MC1R: variants seen among roughly 807,000 people sequenced by gnomAD.
MC1R encodes the protein melanocortin 1 receptor, also known as melanocyte-stimulating hormone receptor.
For synonymous variants in MC1R, 263 were observed against 203.8 expected (o/e 1.29, Z -2.47); for missense variants, 542 against 430.0 (o/e 1.26, Z -2.30).
Position 89,920,780 on chromosome 16 carries a change from C to A in MC1R, c.*568C>A, listed in dbSNP as rs952480891. 2 of 693,084 alleles carry A rather than the reference C, an allele frequency of 2.9e-6. No individual in the cohort carries two copies. Among genetic ancestry groups the A allele is most frequent in the Non-Finnish European group, 5.4e-6 (2 of 373,472 alleles). 42.9% of individuals were successfully genotyped at this position (693,084 alleles called of 1,614,324 possible). A position where few individuals can be genotyped will look rare whatever the true frequency, so the allele number is the denominator to read the frequency against. On this transcript the variant is annotated 3_prime_UTR_variant, in exon 1 of 1. Coordinates refer to ENST00000555147, the MANE Select transcript of MC1R (RefSeq NM_002386.4). ...GGCCAAGGGACCAGGTTTGCAGGAGCCCCCCTAGTGGTATGGGGCTGAGCC... is the reference window on the plus strand; with the variant it reads ...GGCCAAGGGACCAGGTTTGCAGGAGACCCCCTAGTGGTATGGGGCTGAGCC...
In MC1R at chr16:89,918,975, A is replaced by G; in HGVS notation, c.-284A>G. ...ACCTGAGCAGCAGCCACCAGGGAAG[A>G]GGCAGGGAGGGAGCTGAGGACCAGG... On this transcript the variant is annotated 5_prime_UTR_variant, in exon 1 of 1. Transcript: ENST00000555147. The G allele has an allele frequency of 2.1e-6, 1 of 484,304 alleles. No homozygotes were observed. Among genetic ancestry groups the G allele is most frequent in the Non-Finnish European group, 3.7e-6 (1 of 269,096 alleles). 30.0% of individuals were successfully genotyped at this position (484,304 alleles called of 1,614,324 possible). A position where few individuals can be genotyped will look rare whatever the true frequency, so the allele number is the denominator to read the frequency against.
rs1432779554 is a variant in MC1R at position 89,919,202 on chromosome 16, A to G, written c.-57A>G. ...AACTAAGCAGGACACCTGGAGGGGA[A>G]GAACTGTGGGGACCTGGAGGCCTCC... On this transcript the variant is annotated 5_prime_UTR_variant, in exon 1 of 1. Coordinates refer to ENST00000555147, the MANE Select transcript of MC1R (RefSeq NM_002386.4). 3.3e-6 allele frequency: 4 copies of G among 1,214,916 alleles called. No homozygotes were observed. The highest frequency in any genetic ancestry group is 4.6e-6 in the Non-Finnish European group (4 of 875,016). The allele number at this position is 1,214,916 out of a possible 1,614,324, so 75.3% of individuals were successfully genotyped here.
chr16:89,919,886 A>AT lies in MC1R; in HGVS notation c.629dup (p.Met210IlefsTer29). On this transcript the variant is annotated frameshift_variant, in exon 1 of 1. Coordinates refer to ENST00000555147, the MANE Select transcript of MC1R (RefSeq NM_002386.4). LOFTEE classifies it low-confidence loss of function (END_TRUNC). ...GCTCATGGCCGTGCTGTACGTCCAC[A>AT]TGCTGGCCCGGGCCTGCCAGCACGC... The AT allele has an allele frequency of 6.2e-7, 1 of 1,606,686 alleles. No homozygotes were observed. The highest frequency in any genetic ancestry group is 8.5e-7 in the Non-Finnish European group (1 of 1,179,558).
rs1365294383 is a variant in MC1R at position 89,920,898 on chromosome 16, G to A, written c.*686G>A. The stretch of plus-strand genomic sequence containing the variant: ...GCCCAAGCAGACAGCCCTGGCAAAT[G>A]CCTGACTCAGTGACCAGTGCCTGTG... On this transcript the variant is annotated 3_prime_UTR_variant, in exon 1 of 1. Transcript: ENST00000555147. 4 of 589,252 alleles carry A rather than the reference G, an allele frequency of 6.8e-6. No homozygotes were observed. The highest frequency in any genetic ancestry group is 9.2e-6 in the Non-Finnish European group (3 of 325,166). The allele number at this position is 589,252 out of a possible 1,614,324, so 36.5% of individuals were successfully genotyped here.
Position 89,919,816 on chromosome 16 carries a change from G to A in MC1R, c.558G>A (p.Val186=), listed in dbSNP as rs763408394. 8 of 1,607,106 alleles carry A rather than the reference G, an allele frequency of 5.0e-6. No homozygotes were observed. In the Admixed American group the frequency reaches 1.2e-4, roughly 23 times the overall value. Residue 186 remains valine (V), a synonymous_variant, in exon 1 of 1, where the codon GTG becomes GTA. Transcript: ENST00000555147. ...STLFIAYYDH[V]AVLLCLVVFF... ...TCTTCATCGCCTACTACGACCACGT[G>A]GCCGTCCTGCTGTGCCTCGTGGTCT...
In MC1R at chr16:89,919,733, C is replaced by T. The variant is rs104894523; in HGVS notation, c.475C>T (p.Pro159Ser). ...ALRYHSIVTL[P>S]RARRAVAAIW... Reference sequence around the variant, plus strand: ...GCGCTACCACAGCATCGTGACCCTGCCGCGGGCGCGGCGAGCCGTTGCGGC... The same window carrying T: ...GCGCTACCACAGCATCGTGACCCTGTCGCGGGCGCGGCGAGCCGTTGCGGC... The change falls in exon 1 of 1, where the codon CCG becomes TCG. Residue 159 changes from proline (P) to serine (S), a missense_variant. Coordinates refer to ENST00000555147, the MANE Select transcript of MC1R (RefSeq NM_002386.4). 2 of 1,606,064 alleles carry T rather than the reference C, an allele frequency of 1.2e-6. No homozygotes were observed. Among genetic ancestry groups the T allele is most frequent in the African/African-American group, 1.3e-5 (1 of 74,948 alleles).
Position 89,919,749 on chromosome 16 carries a change from C to T in MC1R, c.491C>T (p.Ala164Val). The change falls in exon 1 of 1, where the codon GCC becomes GTC. Residue 164 changes from alanine (A) to valine (V), a missense_variant. Transcript: ENST00000555147. ...SIVTLPRARR[A>V]VAAIWVASVV... ...GTGACCCTGCCGCGGGCGCGGCGAG[C>T]CGTTGCGGCCATCTGGGTGGCCAGT... 1 of 1,608,044 alleles carries T rather than the reference C, an allele frequency of 6.2e-7. No homozygotes were observed.
At position 89,920,590 on chromosome 16, in the gene MC1R, C is replaced by A; in HGVS notation, c.*378C>A. 1 of 674,266 alleles carries A rather than the reference C, an allele frequency of 1.5e-6. No individual in the cohort carries two copies. 41.8% of individuals were successfully genotyped at this position (674,266 alleles called of 1,614,324 possible). On this transcript the variant is annotated 3_prime_UTR_variant, in exon 1 of 1. Coordinates refer to ENST00000555147, the MANE Select transcript of MC1R (RefSeq NM_002386.4). ...CACCCCACCCCATCTTTGCTGCCAGCTCTCAGGACCGTGCCCTCGTCAGCT... is the reference window on the plus strand; with the variant it reads ...CACCCCACCCCATCTTTGCTGCCAGATCTCAGGACCGTGCCCTCGTCAGCT...
Position 89,919,997 on chromosome 16 carries a change from C to G in MC1R, c.739C>G (p.Leu247Val). The G allele has an allele frequency of 6.2e-7, 1 of 1,613,522 alleles. No individual in the cohort carries two copies. The highest frequency in any genetic ancestry group is 8.5e-7 in the Non-Finnish European group (1 of 1,179,894). The change falls in exon 1 of 1, where the codon CTG (leucine) becomes GTG (valine). Residue 247 changes from leucine to valine, a missense_variant. By Grantham distance (32) the Leu-to-Val change is conservative. Coordinates refer to ENST00000555147, the MANE Select transcript of MC1R (RefSeq NM_002386.4). ...LKGAVTLTIL[L>V]GIFFLCWGPF... The stretch of plus-strand genomic sequence containing the variant: ...AGGCGCTGTCACCCTCACCATCCTG[C>G]TGGGCATTTTCTTCCTCTGCTGGGG...
chr16:89,920,781 C>T lies in MC1R; in HGVS notation c.*569C>T, dbSNP rs983369245. On this transcript the variant is annotated 3_prime_UTR_variant, in exon 1 of 1. Transcript: ENST00000555147. The stretch of plus-strand genomic sequence containing the variant: ...GCCAAGGGACCAGGTTTGCAGGAGC[C>T]CCCCTAGTGGTATGGGGCTGAGCCC... 1.4e-6 allele frequency: 1 copy of T among 692,462 alleles called. No individual in the cohort carries two copies. The highest frequency in any genetic ancestry group is 1.8e-5 in the African/African-American group (1 of 56,734). The allele number at this position is 692,462 out of a possible 1,614,324, so 42.9% of individuals were successfully genotyped here.
At position 89,919,562 on chromosome 16, in the gene MC1R, G is replaced by A; in HGVS notation, c.304G>A (p.Glu102Lys). Residue 102 changes from glutamate (E) to lysine (K), a missense_variant, in exon 1 of 1, where the codon GAG becomes AAG. Coordinates refer to ENST00000555147, the MANE Select transcript of MC1R (RefSeq NM_002386.4). Reference sequence around the variant, plus strand: ...GGAGACGGCCGTCATCCTCCTGCTGGAGGCCGGTGCACTGGTGGCCCGGGC... The same window carrying A: ...GGAGACGGCCGTCATCCTCCTGCTGAAGGCCGGTGCACTGGTGGCCCGGGC... ...VLETAVILLLEAGALVARAAV... is the reference protein window; with the variant it reads ...VLETAVILLLKAGALVARAAV... 2.5e-6 allele frequency: 4 copies of A among 1,612,072 alleles called. No individual in the cohort carries two copies. The highest frequency in any genetic ancestry group is 3.4e-6 in the Non-Finnish European group (4 of 1,179,802).
Position 89,919,313 on chromosome 16 carries a change from A to G in MC1R, c.55A>G (p.Thr19Ala), listed in dbSNP as rs2045689316. The change falls in exon 1 of 1, where the codon ACA (threonine) becomes GCA (alanine). Residue 19 changes from threonine to alanine, a missense_variant. By Grantham distance (58) the Thr-to-Ala change is moderately conservative. Transcript: ENST00000555147. ...TCTGGGCTCCCTCAACTCCACCCCC[A>G]CAGCCATCCCCCAGCTGGGGCTGGC... ...RLLGSLNSTP[T>A]AIPQLGLAAN... The G allele has an allele frequency of 1.2e-6, 2 of 1,610,882 alleles. No individual in the cohort carries two copies. The highest frequency in any genetic ancestry group is 1.7e-5 in the Admixed American group (1 of 59,598).
Position 89,919,981 on chromosome 16 carries a change from C to T in MC1R, c.723C>T (p.Val241=). The change falls in exon 1 of 1, where the codon GTC becomes GTT. Residue 241 remains valine, a synonymous_variant. Coordinates refer to ENST00000555147, the MANE Select transcript of MC1R (RefSeq NM_002386.4). ...AGGGCTTTGGCCTTAAAGGCGCTGTCACCCTCACCATCCTGCTGGGCATTT... is the reference window on the plus strand; with the variant it reads ...AGGGCTTTGGCCTTAAAGGCGCTGTTACCCTCACCATCCTGCTGGGCATTT... ...VHQGFGLKGA[V]TLTILLGIFF... 1 of 1,613,256 alleles carries T rather than the reference C, an allele frequency of 6.2e-7. No homozygotes were observed. The highest frequency in any genetic ancestry group is 8.5e-7 in the Non-Finnish European group (1 of 1,179,896).
In MC1R at chr16:89,919,372, G is replaced by A. The variant is rs1282920604; in HGVS notation, c.114G>A (p.Val38=). The A allele has an allele frequency of 2.5e-6, 4 of 1,613,312 alleles. No homozygotes were observed. The highest frequency in any genetic ancestry group is 2.2e-5 in the East Asian group (1 of 44,872). The part of the protein sequence containing the change: ...ANQTGARCLE[V]SISDGLFLSL... ...AGACAGGAGCCCGGTGCCTGGAGGT[G>A]TCCATCTCTGACGGGCTCTTCCTCA... The change falls in exon 1 of 1, where the codon GTG becomes GTA. Residue 38 remains valine (V), a synonymous_variant. Transcript: ENST00000555147.
In MC1R at chr16:89,920,512, AT is replaced by A; in HGVS notation, c.*304del. 3.2e-6 allele frequency: 2 copies of A among 618,008 alleles called. No homozygotes were observed. Among genetic ancestry groups the A allele is most frequent in the Non-Finnish European group, 2.9e-6 (1 of 339,622 alleles). The allele number at this position is 618,008 out of a possible 1,614,324, so 38.3% of individuals were successfully genotyped here. On this transcript the variant is annotated 3_prime_UTR_variant, in exon 1 of 1. Coordinates refer to ENST00000555147, the MANE Select transcript of MC1R (RefSeq NM_002386.4). Reference sequence around the variant, plus strand: ...GCCAACCTCAGGCTCCTAAAGAGACATTTTCCGCCCACTCCTGGGACACTCC... The same window carrying A: ...GCCAACCTCAGGCTCCTAAAGAGACATTTCCGCCCACTCCTGGGACACTCC...
At position 89,919,620 on chromosome 16, in the gene MC1R, A is replaced by G; in HGVS notation, c.362A>G (p.Asp121Gly). ...AVLQQLDNVIDVITCSSMLSS... is the reference protein window; with the variant it reads ...AVLQQLDNVIGVITCSSMLSS... The stretch of plus-strand genomic sequence containing the variant: ...CTGCAGCAGCTGGACAATGTCATTG[A>G]CGTGATCACCTGCAGCTCCATGCTG... Residue 121 changes from aspartate (D) to glycine (G), a missense_variant, in exon 1 of 1, where the codon GAC becomes GGC. Transcript: ENST00000555147. The G allele has an allele frequency of 6.2e-7, 1 of 1,607,850 alleles. No homozygotes were observed. The highest frequency in any genetic ancestry group is 1.7e-5 in the Admixed American group (1 of 60,018).
Position 89,920,171 on chromosome 16 carries a change from C to G in MC1R, c.913C>G (p.Leu305Val), listed in dbSNP as rs2045707425. 6.2e-7 allele frequency: 1 copy of G among 1,613,922 alleles called. No homozygotes were observed. Among genetic ancestry groups the G allele is most frequent in the Non-Finnish European group, 8.5e-7 (1 of 1,179,900 alleles). Residue 305 changes from leucine to valine, a missense_variant, in exon 1 of 1, where the codon CTC becomes GTC. Coordinates refer to ENST00000555147, the MANE Select transcript of MC1R (RefSeq NM_002386.4). ...PLIYAFHSQE[L>V]RRTLKEVLTC... ...CATCTACGCCTTCCACAGCCAGGAG[C>G]TCCGCAGGACGCTCAAGGAGGTGCT...
rs760097588 is a variant in MC1R, at chr16:89,919,826, C to T, written c.568C>T (p.Leu190=). 3.1e-6 allele frequency: 5 copies of T among 1,607,222 alleles called. No individual in the cohort carries two copies. The South Asian group carries it at 3.3e-5, about 11-fold the overall frequency. ...CTACTACGACCACGTGGCCGTCCTG[C>T]TGTGCCTCGTGGTCTTCTTCCTGGC... ...IAYYDHVAVL[L]CLVVFFLAML... Residue 190 remains leucine (L), a synonymous_variant, in exon 1 of 1, where the codon CTG becomes TTG. Coordinates refer to ENST00000555147, the MANE Select transcript of MC1R (RefSeq NM_002386.4).
Position 89,920,244 on chromosome 16 carries a change from C to G in MC1R, c.*32C>G. The G allele has an allele frequency of 6.4e-7, 1 of 1,559,024 alleles. No homozygotes were observed. On this transcript the variant is annotated 3_prime_UTR_variant, in exon 1 of 1. Transcript: ENST00000555147. ...TGCACGCGGCTTTAAGTGTGCTGGG[C>G]AGAGGGAGGTGGTGATATTGTGTGG...
Sources: gnomAD v4.1 joint callset for allele counts on GRCh38, gnomAD v4.1.1 for gene constraint, MANE v1.5 for transcripts, NCBI Gene and HGNC (gene_info 2026-07-23, HGNC 2026-07-21) for gene names.